Variants in CCDC40 observed in about 807,000 individuals in gnomAD.
CCDC40 encodes the protein coiled-coil domain 40 molecular ruler complex subunit.
CCDC40 carries 104 observed loss-of-function variants against 124.5 expected under a neutral mutation model. That is an observed-to-expected ratio of 0.84 (90% CI 0.71 to 0.98). The LOEUF is 0.98. Among genes scored for constraint, CCDC40 ranks in the 50% least tolerant of loss-of-function variants. The pLI is 0.00. For missense variants in CCDC40, 1,463 were observed against 1,503.9 expected, an observed-to-expected ratio of 0.97 and a Z score of 0.45; for synonymous variants, 580 against 602.9, an observed-to-expected ratio of 0.96 and a Z score of 0.56.
chr17:80,082,170 C>T (rs1263304046), intron 12 of CCDC40, 112 bp downstream of exon 12: 2 of 792,188 alleles, frequency 2.5e-6, no homozygotes, highest in Non-Finnish European at 4.1e-6. Context: ...AGAGGGCCCT[C>T]CTGTGCTCAC....
intron 10 of CCDC40, among the ~76,000 whole-genome samples, chr17:80,073,281 G>A (rs2038236409): frequency 6.6e-6 from 1 of 152,174 alleles, no homozygotes; most frequent in Non-Finnish European, 1.5e-5. Context: ...GGGATTACAG[G>A]AATCGCATTT....
Position 80,090,259 on chromosome 17 carries a change from GCGCGCGGGCA to G in CCDC40, c.2832+378_2832+387del. 3.8e-6 allele frequency: 3 copies of G among 798,460 alleles called. 1 individual carries two copies. Among genetic ancestry groups the G allele is most frequent in the Non-Finnish European group, 5.4e-6 (3 of 555,314 alleles). The allele number at this position is 798,460 out of a possible 1,614,324, so 49.5% of individuals were successfully genotyped here. A position where few individuals can be genotyped will look rare whatever the true frequency, so the allele number is the denominator to read the frequency against. ...GGCACGTGCACGAACAACACGGGAC[GCGCGCGGGCA>G]CGTGCACGAACAACACGGGACGCGC... On this transcript the variant is annotated intron_variant, in intron 17 of 19. Coordinates refer to ENST00000397545, the MANE Select transcript of CCDC40 (RefSeq NM_017950.4).
At chr17:80,073,861 A>T (rs2038250857) in intron 10 of CCDC40, among the ~76,000 whole-genome samples, 1 of 149,846 alleles carries the variant, frequency 6.7e-6, no homozygotes, top group Admixed American at 6.7e-5. Context: ...GTGCCCGGCT[A>T]ATTTTTGTAT....
At chr17:80,040,352 C>A in intron 3 of CCDC40, 82 bp downstream of exon 3, 2 of 1,284,696 alleles carry the variant, frequency 1.6e-6, no homozygotes, top group Non-Finnish European at 2.2e-6. Context: ...CTTGGGAATA[C>A]ATTATAAATA....
Position 80,048,628 on chromosome 17 carries a change from T to C in CCDC40, c.722T>C (p.Leu241Pro). The change falls in exon 5 of 20, where the codon CTG (leucine) becomes CCG (proline). Residue 241 changes from leucine (L) to proline (P), a missense_variant. By Grantham distance (98) the Leu-to-Pro change is moderately conservative. Coordinates refer to ENST00000397545, the MANE Select transcript of CCDC40 (RefSeq NM_017950.4). The stretch of plus-strand genomic sequence containing the variant: ...GATGCCCACCCCAGGGAAGGAGACC[T>C]GCCAGTGTTCCAGGACCAGATCCAG... ...VPDAHPREGD[L>P]PVFQDQIQQP... 3 of 1,614,044 alleles carry C rather than the reference T, an allele frequency of 1.9e-6. No individual in the cohort carries two copies. The highest frequency in any genetic ancestry group is 2.2e-5 in the South Asian group (2 of 91,084).
chr17:80,059,274 C>T (rs1213736999), intron 9 of CCDC40, among the ~76,000 whole-genome samples: 3 of 152,186 alleles, frequency 2.0e-5, no homozygotes, highest in Non-Finnish European at 4.4e-5. Context: ...GGATGCTCAG[C>T]AAGTTCCTTA....
intron 17 of CCDC40, among the ~76,000 whole-genome samples, chr17:80,093,586 C>T (rs563938041): frequency 6.6e-6 from 1 of 151,280 alleles, no homozygotes; most frequent in Non-Finnish European, 1.5e-5. Flanking sequence ...GATCTCAGCT[C>T]ACTGCAACCT....
chr17:80,037,688 A>AAAAAAAAAAAATATATATATAT, intron 1 of CCDC40, among the ~76,000 whole-genome samples: 1 of 45,712 alleles, frequency 2.2e-5, no homozygotes, highest in African/African-American at 5.9e-5. Context: ...TTTTTTAAAA[A>AAAAAAAAAAAATATATATATAT]AGATATACAT....
At position 80,086,621 on chromosome 17, in the gene CCDC40, C is replaced by T. The variant is rs976643591; in HGVS notation, c.2449+405C>T. On this transcript the variant is annotated intron_variant, in intron 14 of 19. Transcript: ENST00000397545. This position sits in a 1 kb window ranked among gnomAD's most constrained non-coding sequence, Gnocchi z 5.5. ...AGTTGGGCTTAGAAAACCATTCCAC[C>T]GGGGCTCCCCAACCCTTCTGAGGCC... 19 of 272,926 alleles carry T rather than the reference C, an allele frequency of 7.0e-5. No homozygotes were observed. In the East Asian group the frequency reaches 1.2e-3, roughly 17 times the overall value. 16.9% of individuals were successfully genotyped at this position (272,926 alleles called of 1,614,324 possible).
chr17:80,098,645 G>A (rs377573545), intron 19 of CCDC40, among the ~76,000 whole-genome samples: 7 of 152,218 alleles, frequency 4.6e-5, no homozygotes, highest in African/African-American at 1.7e-4. Context: ...CAGGTGTCAA[G>A]AAGGTTGCCT....
At chr17:80,044,704 A>ATGTGTATATATATAT (rs1485851817) in intron 3 of CCDC40, among the ~76,000 whole-genome samples, 94 of 37,188 alleles carry the variant, frequency 2.5e-3, no homozygotes, top group African/African-American at 6.9e-3. Context: ...AAAACAAACA[A>ATGTGTATATATATAT]ACAAAAAAAA....
At chr17:80,049,875 G>A (rs780177150) in intron 5 of CCDC40, 31 bp from the exon 6 acceptor site, 4 of 1,603,114 alleles carry the variant, frequency 2.5e-6, no homozygotes, top group Non-Finnish European at 3.4e-6. Flanking sequence ...TAACCAGAAA[G>A]GTAACCACCT....
chr17:80,043,381 A>C (rs9902006), intron 3 of CCDC40, among the ~76,000 whole-genome samples: 52,013 of 151,926 alleles, frequency 0.34, 11,596 homozygotes, highest in African/African-American at 0.64. Flanking sequence ...TGTCCCCAGG[A>C]CCTCTCAGCG....
chr17:80,051,102 A>G (rs1349992214), intron 7 of CCDC40, among the ~76,000 whole-genome samples: 1 of 152,216 alleles, frequency 6.6e-6, no homozygotes, highest in Non-Finnish European at 1.5e-5. Flanking sequence ...GTGACCGGGG[A>G]CAGTGGCTTC....
intron 7 of CCDC40, among the ~76,000 whole-genome samples, chr17:80,057,001 T>C (rs1381027494): frequency 7.0e-6 from 1 of 143,016 alleles, no homozygotes; most frequent in African/African-American, 2.7e-5. Flanking sequence ...AGATCACCAC[T>C]GCACTCCAGC....
In CCDC40 at chr17:80,097,374, C is replaced by G. The variant is rs201599478; in HGVS notation, c.3151C>G (p.Leu1051Val). 2.5e-6 allele frequency: 4 copies of G among 1,613,890 alleles called. No individual in the cohort carries two copies. The highest frequency in any genetic ancestry group is 1.3e-5 in the African/African-American group (1 of 74,934). Residue 1051 changes from leucine to valine, a missense_variant, in exon 19 of 20, where the codon CTC (leucine) becomes GTC (valine). By Grantham distance (32) the Leu-to-Val change is conservative. Transcript: ENST00000397545. The part of the protein sequence containing the change: ...QADFDTLEAD[L>V]TRLGALKRQN... ...AGACTTCGACACACTCGAGGCCGAC[C>G]TCACCCGGCTTGGGGCCCTCAAACG...
intron 2 of CCDC40, among the ~76,000 whole-genome samples, chr17:80,038,928 A>G (rs191753026): frequency 6.6e-6 from 1 of 152,266 alleles, no homozygotes; most frequent in Non-Finnish European, 1.5e-5. Context: ...AACAAACTCA[A>G]TTCAGTTGAA....
Position 80,081,709 on chromosome 17 carries a change from C to T in CCDC40, c.1726C>T (p.Gln576Ter). The T allele has an allele frequency of 6.2e-7, 1 of 1,614,204 alleles. No homozygotes were observed. Among genetic ancestry groups the T allele is most frequent in the East Asian group, 2.2e-5 (1 of 44,878 alleles). ...GCTCACCACCCAGTGCCTGACCAAG[C>T]AGGTGGCCCTGCAGAGCCAGTTCAA... Reference protein sequence around the residue: ...QKLTTQCLTKQVALQSQFNTY... With the variant: ...QKLTTQCLTK Residue 576 changes from glutamine (Q) to a stop codon, truncating the protein, a stop_gained, in exon 11 of 20, where the codon CAG (glutamine) becomes TAG (stop). Transcript: ENST00000397545. LOFTEE classifies it high-confidence loss of function.
chr17:80,059,307 G>T (rs1279003352), intron 9 of CCDC40, among the ~76,000 whole-genome samples: 1 of 152,102 alleles, frequency 6.6e-6, no homozygotes, highest in Non-Finnish European at 1.5e-5. Flanking sequence ...CTCTTCCGGG[G>T]AGGACTGAAG....
Sources: allele counts gnomAD v4.1 joint callset (sites outside exome capture counted in the v4.1 genomes callset), GRCh38; gene constraint gnomAD v4.1.1; non-coding constraint Gnocchi (gnomAD v3.1); transcripts MANE v1.5; gene names NCBI Gene and HGNC (gene_info 2026-07-23, HGNC 2026-07-21).